GP2: variants seen among roughly 807,000 people sequenced by gnomAD.
GP2 encodes pancreatic secretory granule membrane major glycoprotein GP2.
Under a neutral mutation model 60.8 loss-of-function variants are expected in GP2, and 58 were observed. That is an observed-to-expected ratio of 0.95 (90% CI 0.77 to 1.19). The LOEUF (loss-of-function observed/expected upper bound fraction) is 1.19, where lower values mean the gene tolerates loss of function less well. GP2 is among the 50% of genes most tolerant of loss of function. The probability of loss-of-function intolerance (pLI) is 0.00; values close to 1 mark genes in which losing one functional copy is unlikely to be tolerated. For synonymous variants in GP2, 280 were observed against 253.4 expected (o/e 1.10, Z -1.00); for missense variants, 647 against 667.4 (o/e 0.97, Z 0.34).
At chr16:20,323,751 T>C in intron 3 of GP2, 65 bp downstream of exon 3, 1 of 1,070,918 alleles carries the variant, frequency 9.3e-7, no homozygotes, top group Non-Finnish European at 1.4e-6. Flanking sequence ...CTCCACTCAC[T>C]CTACTGAGCC....
intron 4 of GP2, among the ~76,000 whole-genome samples, chr16:20,322,655 G>A (rs918748919): frequency 6.6e-6 from 1 of 152,082 alleles, no homozygotes; most frequent in South Asian, 2.1e-4. Context: ...TGAGGCCACG[G>A]CCCAGCAGCT....
chr16:20,318,521 C>T lies in GP2; in HGVS notation c.1008-91G>A, dbSNP rs1043473927. ...CTTAACACACTTACGAAGGCAAGGA[C>T]ACACATCTTGGATCCTTAAGTGAAC... is the stretch of plus-strand genomic sequence containing the variant. On this transcript the variant is annotated intron_variant, in intron 6 of 10. Coordinates refer to ENST00000302555, the MANE Select transcript of GP2 (RefSeq NM_001502.4). The T allele has an allele frequency of 3.4e-6, 4 of 1,186,642 alleles. No homozygotes were observed. In the East Asian group the frequency reaches 7.0e-5, roughly 21 times the overall value. The allele number at this position is 1,186,642 out of a possible 1,614,324, so 73.5% of individuals were successfully genotyped here.
chr16:20,312,799 C>A (rs553444339), intron 10 of GP2, among the ~76,000 whole-genome samples: 2 of 152,160 alleles, frequency 1.3e-5, no homozygotes, highest in Admixed American at 1.3e-4. Context: ...TACAGGCATG[C>A]ACCACCATGC....
chr16:20,312,696 G>A (rs1964025904), intron 10 of GP2, among the ~76,000 whole-genome samples: 1 of 151,836 alleles, frequency 6.6e-6, no homozygotes, highest in African/African-American at 2.4e-5. Flanking sequence ...TGTTGCCCAG[G>A]CTGGAATGCA....
chr16:20,326,657 C>G, intron 1 of GP2, 190 bp from the exon 2 acceptor site: 1 of 540,312 alleles, frequency 1.9e-6, no homozygotes, highest in Non-Finnish European at 3.3e-6. Flanking sequence ...CTGGCTAGTA[C>G]TGCAGAATGT....
At chr16:20,318,921 C>T (rs1040479133) in intron 6 of GP2, among the ~76,000 whole-genome samples, 6 of 152,066 alleles carry the variant, frequency 3.9e-5, no homozygotes, top group Admixed American at 3.3e-4. Context: ...GCTTTGTGAT[C>T]CCAGGGAGCA....
At chr16:20,323,144 A>G (rs1964417568) in intron 3 of GP2, among the ~76,000 whole-genome samples, 165 bp from the exon 4 acceptor site, 1 of 152,222 alleles carries the variant, frequency 6.6e-6, no homozygotes, top group Non-Finnish European at 1.5e-5. Flanking sequence ...GGGATAAGTG[A>G]GAGCCCTAAA....
At chr16:20,322,844 G>A (rs952597232) in intron 4 of GP2, 25 bp downstream of exon 4, 1 of 1,270,758 alleles carries the variant, frequency 7.9e-7, no homozygotes, top group Non-Finnish European at 1.2e-6. Flanking sequence ...CAGGATGGTA[G>A]TTACTTGCCC....
chr16:20,327,025 A>T (rs1372113874), intron 1 of GP2: 3 of 164,826 alleles, frequency 1.8e-5, no homozygotes, highest in Admixed American at 1.7e-4. Flanking sequence ...CAGCATTTGG[A>T]TGGCATTTAC....
intron 9 of GP2, among the ~76,000 whole-genome samples, chr16:20,315,336 T>C (rs1964130565): frequency 6.6e-6 from 1 of 152,198 alleles, no homozygotes; most frequent in Non-Finnish European, 1.5e-5. Context: ...CTTTCATTCT[T>C]TCACTTCTCC....
At chr16:20,326,170 A>T in intron 2 of GP2, 168 bp downstream of exon 2, 1 of 612,356 alleles carries the variant, frequency 1.6e-6, no homozygotes, top group Non-Finnish European at 2.9e-6. Flanking sequence ...AGAGATTGTG[A>T]CTTGATTTCC....
Position 20,324,040 on chromosome 16 carries a change from G to C in GP2, c.311C>G (p.Ser104Trp). The change falls in exon 3 of 11, where the codon TCG becomes TGG. Residue 104 changes from serine (S) to tryptophan (W), a missense_variant. By Grantham distance (177) the Ser-to-Trp change is radical. Transcript: ENST00000302555. ...TCGGTGCACCTGGACACAGGTCTCC[G>C]ACATCCTTACTCCTCCTTCCCCTAC... The part of the protein sequence containing the change: ...RFVGEGGVRM[S>W]ETCVQVHRCQ... The C allele has an allele frequency of 6.2e-7, 1 of 1,613,766 alleles. No individual in the cohort carries two copies. Among genetic ancestry groups the C allele is most frequent in the Non-Finnish European group, 8.5e-7 (1 of 1,179,620 alleles).
At chr16:20,316,257 T>A (rs1964162513) in intron 8 of GP2, among the ~76,000 whole-genome samples, 4 of 152,202 alleles carry the variant, frequency 2.6e-5, no homozygotes, top group Admixed American at 2.6e-4. Context: ...GACTTTCTTT[T>A]AGCTATATAA....
At chr16:20,320,585 C>G (rs77830072) in intron 4 of GP2, 112 bp from the exon 5 acceptor site, 1 of 745,646 alleles carries the variant, frequency 1.3e-6, no homozygotes, top group Admixed American at 2.2e-5. Context: ...TAGAAGGTCC[C>G]TGGGATCCAG....
intron 4 of GP2, among the ~76,000 whole-genome samples, chr16:20,321,051 C>CTTT (rs34930372): frequency 7.4e-6 from 1 of 135,772 alleles, no homozygotes; most frequent in African/African-American, 2.7e-5. Flanking sequence ...CTCTGTCTCT[C>CTTT]TTTTTTTTTT....
At position 20,318,408 on chromosome 16, in the gene GP2, C is replaced by A. The variant is rs192352686; in HGVS notation, c.1030G>T (p.Gly344Trp). 6.2e-7 allele frequency: 1 copy of A among 1,613,400 alleles called. No homozygotes were observed. The change falls in exon 7 of 11, where the codon GGG becomes TGG. Residue 344 changes from glycine to tryptophan, a missense_variant. Gly to Trp is a radical substitution (Grantham distance 184). Coordinates refer to ENST00000302555, the MANE Select transcript of GP2 (RefSeq NM_001502.4). The stretch of plus-strand genomic sequence containing the variant: ...ATCCTGACAATGAACTCTCCATTCC[C>A]GTCCACACTGACGTTCAGGGAACTG... ...IVSSLNVSVD[G>W]NGEFIVRMAL... is the part of the protein sequence containing the mutation.
chr16:20,317,179 G>C (rs1739337850), intron 8 of GP2, 34 bp downstream of exon 8: 1 of 1,300,204 alleles, frequency 7.7e-7, no homozygotes, highest in Admixed American at 2.2e-5. Context: ...CTCCATGCCA[G>C]GCTCTGAAGA....
intron 10 of GP2, among the ~76,000 whole-genome samples, chr16:20,314,168 C>A (rs1964082796): frequency 1.3e-5 from 2 of 151,010 alleles, no homozygotes; most frequent in Non-Finnish European, 2.9e-5. Flanking sequence ...TGCAGCAAAC[C>A]ACCATGGCAC....
intron 4 of GP2, among the ~76,000 whole-genome samples, chr16:20,322,000 T>C (rs1964374644): frequency 6.6e-6 from 1 of 152,218 alleles, no homozygotes; most frequent in African/African-American, 2.4e-5. Flanking sequence ...ATCCACTCAA[T>C]GAGCAGAAAG....
Sources: allele counts gnomAD v4.1 joint callset (sites outside exome capture counted in the v4.1 genomes callset), GRCh38; gene constraint gnomAD v4.1.1; transcripts MANE v1.5; gene names NCBI Gene and HGNC (gene_info 2026-07-23, HGNC 2026-07-21).